Variants in GLI3 observed in about 807,000 individuals in gnomAD.
GLI3 encodes the protein transcription activator GLI3.
A neutral mutation model predicts 100.8 loss-of-function variants in GLI3; 20 were observed. The ratio of observed to expected loss-of-function variants is 0.20; its 90% CI spans 0.14 to 0.29. The LOEUF (loss-of-function observed/expected upper bound fraction) is 0.29. GLI3 is among the 10% of genes least tolerant of loss of function. The pLI is 1.00. For synonymous variants in GLI3, 938 were observed against 860.5 expected (o/e 1.09, Z -1.58); for missense variants, 2,040 against 2,128.5 (o/e 0.96, Z 0.82).
chr7:42,134,937 T>G (rs1400045090), intron 3 of GLI3, among the ~76,000 whole-genome samples: 2 of 151,856 alleles, frequency 1.3e-5, no homozygotes, highest in Non-Finnish European at 2.9e-5. Flanking sequence ...TTTCTCAGAG[T>G]CCATAAATTT....
At chr7:42,021,033 C>T (rs1185902346) in intron 10 of GLI3, among the ~76,000 whole-genome samples, 4 of 152,160 alleles carry the variant, frequency 2.6e-5, no homozygotes, top group African/African-American at 9.7e-5. Flanking sequence ...TAACAGGCCA[C>T]CATTACTGCT....
At chr7:42,236,066 G>A (rs747100950) in intron 1 of GLI3, among the ~76,000 whole-genome samples, 8 of 152,056 alleles carry the variant, frequency 5.3e-5, no homozygotes, top group Admixed American at 1.3e-4. Flanking sequence ...TACAGAAGGA[G>A]GTGCAATGGG....
rs966659814 is a variant in GLI3, at chr7:42,095,447, G to C, written c.368-18590C>G. Reference sequence around the variant, plus strand: ...TACTTTGGTGGTAACATGGAGAATGGGTTGGAGTGGAATGAAATGAAGGTG... The same window carrying C: ...TACTTTGGTGGTAACATGGAGAATGCGTTGGAGTGGAATGAAATGAAGGTG... On this transcript the variant is annotated intron_variant, in intron 3 of 14. Coordinates refer to ENST00000395925, the MANE Select transcript of GLI3 (RefSeq NM_000168.6). Among the ~76,000 whole-genome samples the C allele has an allele frequency of 9.2e-5, 14 of 152,206 alleles. 1 individual carries two copies. The highest frequency in any genetic ancestry group is 8.5e-4 in the Admixed American group (13 of 15,278).
rs569226269 is a variant in GLI3 at position 42,075,068 on chromosome 7, C to T, written c.473+1684G>A. 1.6e-4 allele frequency among the ~76,000 whole-genome samples: 25 copies of T among 152,148 alleles called. No homozygotes were observed. The East Asian group carries it at 4.3e-3, about 26-fold the overall frequency. On this transcript the variant is annotated intron_variant, in intron 4 of 14. Transcript: ENST00000395925. ...GGCCAATGCAGGTCAGTAATGAGGG[C>T]CTAGAACACACAGTGGGGGCTACAG... is the stretch of plus-strand genomic sequence containing the variant.
upstream of GLI3, among the ~76,000 whole-genome samples, chr7:42,264,182 C>T (rs975806897): frequency 6.6e-6 from 1 of 152,172 alleles, no homozygotes; most frequent in Non-Finnish European, 1.5e-5. Flanking sequence ...ATTGGCCAGG[C>T]GTGGGCCACA....
intron 2 of GLI3, among the ~76,000 whole-genome samples, chr7:42,179,384 C>T (rs572488036): frequency 3.3e-5 from 5 of 152,046 alleles, no homozygotes; most frequent in East Asian, 3.9e-4. Flanking sequence ...GGGCAGGTAA[C>T]GGGAGGGACA....
intron 10 of GLI3, among the ~76,000 whole-genome samples, chr7:41,985,187 C>T (rs972873906): frequency 6.6e-6 from 1 of 152,152 alleles, no homozygotes; most frequent in Admixed American, 6.5e-5. Context: ...CCATTTGTTG[C>T]GGTGATTATA....
intron 2 of GLI3, among the ~76,000 whole-genome samples, chr7:42,209,901 T>C (rs970966152): frequency 2.1e-5 from 3 of 144,318 alleles, no homozygotes; most frequent in African/African-American, 7.6e-5. Context: ...GACCTAAATT[T>C]TCCAAGTGAA....
intron 4 of GLI3, among the ~76,000 whole-genome samples, chr7:42,055,999 G>A (rs1205780546): frequency 6.6e-6 from 1 of 152,118 alleles, no homozygotes; most frequent in Non-Finnish European, 1.5e-5. Context: ...GGTCTCATGA[G>A]ATCTGATGGT....
upstream of GLI3, among the ~76,000 whole-genome samples, chr7:42,237,609 A>C (rs1788840773): frequency 6.7e-6 from 1 of 148,900 alleles, no homozygotes; most frequent in South Asian, 2.1e-4. Flanking sequence ...CCAAGTTTTA[A>C]CAGATGTTGC....
chr7:42,093,122 G>GC (rs1488989361), intron 3 of GLI3, among the ~76,000 whole-genome samples: 1 of 151,586 alleles, frequency 6.6e-6, no homozygotes, highest in African/African-American at 2.4e-5. Flanking sequence ...CCAGGATCTT[G>GC]TTTTTAAAAA....
chr7:41,972,799 A>C lies in GLI3; in HGVS notation c.1813-172T>G, dbSNP rs972543787. Among the ~76,000 whole-genome samples the C allele has an allele frequency of 6.6e-6, 1 of 152,166 alleles. No individual in the cohort carries two copies. Among genetic ancestry groups the C allele is most frequent in the Non-Finnish European group, 1.5e-5 (1 of 68,034 alleles). On this transcript the variant is annotated intron_variant, in intron 12 of 14. Transcript: ENST00000395925. This position sits in a 1 kb window ranked among gnomAD's most constrained non-coding sequence, Gnocchi z 4.4. Reference sequence around the variant, plus strand: ...CTAATAGTTTAATAAGGCCATTAGAACACTGTTCCGTGTCCATAGAATTTA... The same window carrying C: ...CTAATAGTTTAATAAGGCCATTAGACCACTGTTCCGTGTCCATAGAATTTA...
intron 10 of GLI3, among the ~76,000 whole-genome samples, chr7:41,991,848 T>C (rs527290535): frequency 6.6e-6 from 1 of 152,240 alleles, no homozygotes; most frequent in Admixed American, 6.5e-5. Context: ...AGGCCCAGTG[T>C]TAAGAAAAAC....
At chr7:42,099,180 G>A (rs1423861651) in intron 3 of GLI3, among the ~76,000 whole-genome samples, 1 of 152,188 alleles carries the variant, frequency 6.6e-6, no homozygotes, top group Non-Finnish European at 1.5e-5. Context: ...AGAGCAACCA[G>A]TTGCTACATT....
chr7:42,214,135 C>G (rs1788326001), intron 2 of GLI3, among the ~76,000 whole-genome samples: 1 of 152,220 alleles, frequency 6.6e-6, no homozygotes, highest in Non-Finnish European at 1.5e-5. Context: ...TGAGGCTTTT[C>G]TCTCACATCT....
At chr7:42,002,084 A>G (rs1317997042) in intron 10 of GLI3, among the ~76,000 whole-genome samples, 1 of 148,912 alleles carries the variant, frequency 6.7e-6, no homozygotes, top group Non-Finnish European at 1.5e-5. Context: ...ACACGCACAC[A>G]CACACACGTG....
intron 10 of GLI3, among the ~76,000 whole-genome samples, chr7:42,019,574 C>A (rs542806848): frequency 6.6e-6 from 1 of 152,174 alleles, no homozygotes; most frequent in Admixed American, 6.5e-5. Flanking sequence ...AACCAAACGA[C>A]ACTTTGAGAG....
Position 42,025,244 on chromosome 7 carries a change from G to T in GLI3, c.1356+20C>A, listed in dbSNP as rs1789076235. On this transcript the variant is annotated intron_variant, in intron 9 of 14. Transcript: ENST00000395925. Reference sequence around the variant, plus strand: ...TCTTGGGAGGAGTGGGCGCTGGCCTGTGCGGCCTCGGTGTCCTACCTGCTG... The same window carrying T: ...TCTTGGGAGGAGTGGGCGCTGGCCTTTGCGGCCTCGGTGTCCTACCTGCTG... 6.5e-7 allele frequency: 1 copy of T among 1,532,096 alleles called. No homozygotes were observed. The highest frequency in any genetic ancestry group is 1.1e-5 in the South Asian group (1 of 89,510). The allele number at this position is 1,532,096 out of a possible 1,614,324, so 94.9% of individuals were successfully genotyped here. A position where few individuals can be genotyped will look rare whatever the true frequency, so the allele number is the denominator to read the frequency against.
intron 3 of GLI3, among the ~76,000 whole-genome samples, chr7:42,095,046 G>A (rs1785308511): frequency 1.3e-5 from 2 of 152,224 alleles, no homozygotes; most frequent in African/African-American, 2.4e-5. Context: ...CAGGAGTGTG[G>A]AGAAAAGACA....
Sources: allele counts gnomAD v4.1 joint callset (sites outside exome capture counted in the v4.1 genomes callset), GRCh38; gene constraint gnomAD v4.1.1; non-coding constraint Gnocchi (gnomAD v3.1); transcripts MANE v1.5; gene names NCBI Gene and HGNC (gene_info 2026-07-23, HGNC 2026-07-21).